ATP10A: variants seen among roughly 807,000 people sequenced by gnomAD.
ATP10A encodes phospholipid-transporting ATPase VA.
A neutral mutation model predicts 147.8 loss-of-function variants in ATP10A; 111 were observed. That is an observed-to-expected ratio of 0.75 (90% CI 0.64 to 0.88). The LOEUF is 0.88. Ranked by LOEUF, ATP10A falls within the 40% of genes least tolerant of loss-of-function variation. The pLI is 0.00. For synonymous variants in ATP10A, 875 were observed against 841.6 expected, an observed-to-expected ratio of 1.04 and a Z score of -0.69; for missense variants, 1,927 against 1,959.0, an observed-to-expected ratio of 0.98 and a Z score of 0.31.
chr15:25,680,432 G>C, intron 19 of ATP10A, 124 bp from the exon 20 acceptor site: 1 of 1,042,088 alleles, frequency 9.6e-7, no homozygotes, highest in South Asian at 1.6e-5. Flanking sequence ...GACACACTGC[G>C]GTCTATGACG....
rs565647328 is a variant in ATP10A at position 25,768,922 on chromosome 15, C to T, written c.654+12097G>A. 1.3e-4 allele frequency among the ~76,000 whole-genome samples: 20 copies of T among 152,080 alleles called. No individual in the cohort carries two copies. In the East Asian group the frequency reaches 3.9e-3, roughly 30 times the overall value. On this transcript the variant is annotated intron_variant, in intron 2 of 20. Transcript: ENST00000555815. ...CAGGAAAAACACTACGTATTGCTTC[C>T]GTAGAAATTATGTCTTCCTTGAAGG...
intron 1 of ATP10A, among the ~76,000 whole-genome samples, chr15:25,857,827 A>G (rs1893582438): frequency 6.6e-6 from 1 of 152,202 alleles, no homozygotes; most frequent in Admixed American, 6.5e-5. Flanking sequence ...CGGTACTGCC[A>G]TCTCCTAACA....
chr15:25,704,896 G>C (rs911262598), intron 12 of ATP10A, among the ~76,000 whole-genome samples: 3 of 152,176 alleles, frequency 2.0e-5, no homozygotes. Flanking sequence ...AGGAGTTGGT[G>C]GTGTGCAGAG....
intron 13 of ATP10A, among the ~76,000 whole-genome samples, 159 bp from the exon 14 acceptor site, chr15:25,695,305 G>C (rs1412104343): frequency 6.6e-6 from 1 of 152,190 alleles, no homozygotes; most frequent in East Asian, 1.9e-4. Context: ...AGTTCAGCCG[G>C]AGAGGATGAC....
At chr15:25,809,670 C>T (rs1050254281) in intron 1 of ATP10A, among the ~76,000 whole-genome samples, 3 of 151,556 alleles carry the variant, frequency 2.0e-5, no homozygotes, top group South Asian at 2.1e-4. Flanking sequence ...ATATGTACTA[C>T]GTGCCTGAGA....
At chr15:25,774,903 C>A (rs1220022989) in intron 2 of ATP10A, among the ~76,000 whole-genome samples, 2 of 152,066 alleles carry the variant, frequency 1.3e-5, no homozygotes, top group East Asian at 3.9e-4. Flanking sequence ...GATTTAATGT[C>A]CTTCAAGAAA....
chr15:25,857,803 C>T (rs976270518), intron 1 of ATP10A, among the ~76,000 whole-genome samples: 4 of 152,088 alleles, frequency 2.6e-5, no homozygotes, highest in Non-Finnish European at 5.9e-5. Context: ...CAGGGTAGAT[C>T]TGGGCTCAAA....
intron 5 of ATP10A, among the ~76,000 whole-genome samples, chr15:25,725,585 A>G (rs1189026700): frequency 6.6e-6 from 1 of 151,158 alleles, no homozygotes; most frequent in Non-Finnish European, 1.5e-5. Context: ...CTAGGTTTGC[A>G]TGTCTGGGGG....
intron 1 of ATP10A, among the ~76,000 whole-genome samples, chr15:25,832,313 T>C (rs1567417291): frequency 2.0e-5 from 3 of 152,066 alleles, no homozygotes; most frequent in Admixed American, 2.0e-4. Flanking sequence ...TGGTAATCTG[T>C]TATAGAAGCC....
chr15:25,760,609 C>T lies in ATP10A; in HGVS notation c.654+20410G>A, dbSNP rs145229691. Among the ~76,000 whole-genome samples the T allele has an allele frequency of 3.9e-3, 593 of 152,306 alleles. 6 individuals are homozygous for T. The highest frequency in any genetic ancestry group is 0.014 in the African/African-American group (562 of 41,558). On this transcript the variant is annotated intron_variant, in intron 2 of 20. Coordinates refer to ENST00000555815, the MANE Select transcript of ATP10A (RefSeq NM_024490.4). ...ATATAGTTTCTAATAATTTTGAGTT[C>T]ATAGCATTGGACTGAATTTCCAAAA...
At chr15:25,856,537 C>T (rs1040370263) in intron 1 of ATP10A, among the ~76,000 whole-genome samples, 2 of 152,198 alleles carry the variant, frequency 1.3e-5, no homozygotes, top group Non-Finnish European at 2.9e-5. Context: ...TTTTACTATA[C>T]AGGCTGGACC....
intron 1 of ATP10A, among the ~76,000 whole-genome samples, chr15:25,835,215 A>G (rs11856853): frequency 0.96 from 146,012 of 152,238 alleles, 70,373 homozygotes; most frequent in East Asian, 1. Context: ...AGGTTCCAAT[A>G]AGTGATGATC....
intron 17 of ATP10A, among the ~76,000 whole-genome samples, chr15:25,682,680 C>T (rs1298742244): frequency 6.6e-6 from 1 of 152,228 alleles, no homozygotes; most frequent in Non-Finnish European, 1.5e-5. Flanking sequence ...TCTGTGGGAA[C>T]TGAACATTCT....
In ATP10A at chr15:25,749,060, CAAAAAAAA is replaced by C. The variant is rs1171259548; in HGVS notation, c.655-12927_655-12920del. 2.4e-4 allele frequency among the ~76,000 whole-genome samples: 16 copies of C among 67,482 alleles called. No homozygotes were observed. The South Asian group carries it at 3.5e-3, about 15-fold the overall frequency. The allele number at this position is 67,482 out of a possible 152,430, so 44.3% of individuals were successfully genotyped here. On this transcript the variant is annotated intron_variant, in intron 2 of 20. Coordinates refer to ENST00000555815, the MANE Select transcript of ATP10A (RefSeq NM_024490.4). ...CCTGGGCAACAGAGTGAGACTCTGTCAAAAAAAAAAAAAAAAAAAAAAAGAATTAATAC... is the reference window on the plus strand; with the variant it reads ...CCTGGGCAACAGAGTGAGACTCTGTCAAAAAAAAAAAAAAAGAATTAATAC...
chr15:25,780,971 CTG>C, intron 2 of ATP10A, 46 bp downstream of exon 2: 3 of 1,586,438 alleles, frequency 1.9e-6, no homozygotes, highest in Non-Finnish European at 2.6e-6. Flanking sequence ...CATGGGGACA[CTG>C]TGTGGCTGTA....
intron 2 of ATP10A, among the ~76,000 whole-genome samples, chr15:25,772,433 G>A (rs764130282): frequency 1.3e-5 from 2 of 152,060 alleles, no homozygotes; most frequent in East Asian, 1.9e-4. Context: ...AGGGGTTTCC[G>A]TGGCCCACGC....
intron 10 of ATP10A, chr15:25,708,539 A>G (rs1901192985): frequency 2.2e-6 from 1 of 459,096 alleles, no homozygotes; most frequent in Non-Finnish European, 3.9e-6. Flanking sequence ...CAGGCTGGTC[A>G]CGAACTCCTG....
At chr15:25,690,212 G>A (rs1009347922) in intron 15 of ATP10A, among the ~76,000 whole-genome samples, 2 of 140,946 alleles carry the variant, frequency 1.4e-5, no homozygotes, top group South Asian at 2.3e-4. Context: ...ACACACCTAC[G>A]TTTTCCTTAA....
At chr15:25,840,911 C>T (rs1205065306) in intron 1 of ATP10A, among the ~76,000 whole-genome samples, 13 of 152,150 alleles carry the variant, frequency 8.5e-5, no homozygotes, top group Admixed American at 7.9e-4. Context: ...TGTTGAACAT[C>T]TTTTCATGTG....
Sources: gnomAD v4.1 joint callset for allele counts (sites outside exome capture counted in the v4.1 genomes callset) on GRCh38, gnomAD v4.1.1 for gene constraint, MANE v1.5 for transcripts, NCBI Gene and HGNC (gene_info 2026-07-23, HGNC 2026-07-21) for gene names.